Variants in ZNF268 observed in about 807,000 individuals in gnomAD.
ZNF268 encodes the protein zinc finger protein 268.
In ZNF268, 20 loss-of-function variants were observed where a neutral mutation model predicts 29.3. That is an observed-to-expected ratio of 0.68 (90% CI 0.48 to 0.99). The LOEUF (loss-of-function observed/expected upper bound fraction) is 0.99, where lower values mean the gene tolerates loss of function less well. Ranked by LOEUF, ZNF268 falls within the 50% of genes least tolerant of loss-of-function variation. The probability of loss-of-function intolerance (pLI) is 0.00; values close to 1 mark genes in which losing one functional copy is unlikely to be tolerated. For synonymous variants in ZNF268, 429 were observed against 376.9 expected (o/e 1.14, Z -1.60); for missense variants, 1,240 against 1,121.6 (o/e 1.11, Z -1.51).
At position 133,205,742 on chromosome 12, in the gene ZNF268, A is replaced by G. The variant is rs1418069397; in HGVS notation, c.*1212A>G. 2 of 152,198 alleles carry G rather than the reference A, an allele frequency of 1.3e-5. No homozygotes were observed. Among genetic ancestry groups the G allele is most frequent in the Non-Finnish European group, 2.9e-5 (2 of 68,036 alleles). 9.4% of individuals were successfully genotyped at this position (152,198 alleles called of 1,614,324 possible). On this transcript the variant is annotated 3_prime_UTR_variant, in exon 6 of 6. Coordinates refer to ENST00000536435, the MANE Select transcript of ZNF268 (RefSeq NM_003415.3). The stretch of plus-strand genomic sequence containing the variant: ...CATGTGTTTGTGTAGCCTGGAATCT[A>G]TTCTACCTTCACAGGTTAGAACATC...
At chr12:133,193,691 G>A (rs975759971) in intron 5 of ZNF268, among the ~76,000 whole-genome samples, 2 of 152,176 alleles carry the variant, frequency 1.3e-5, no homozygotes, top group African/African-American at 4.8e-5. Flanking sequence ...TTTTAGAGGG[G>A]ACACATTCAA....
chr12:133,191,419 AC>A, intron 3 of ZNF268, 69 bp from the exon 4 acceptor site: 3 of 1,577,492 alleles, frequency 1.9e-6, no homozygotes, highest in Non-Finnish European at 2.6e-6. Flanking sequence ...AATAATGGAC[AC>A]CCTAAACAGC....
At chr12:133,188,674 G>A (rs1189203734) in intron 3 of ZNF268, among the ~76,000 whole-genome samples, 1 of 149,986 alleles carries the variant, frequency 6.7e-6, no homozygotes, top group Non-Finnish European at 1.5e-5. Flanking sequence ...TATTGTTCGG[G>A]AAGCTTGTTA....
In ZNF268 at chr12:133,192,432, G is replaced by A. The variant is rs143484199; in HGVS notation, c.457+429G>A. Among the ~76,000 whole-genome samples the A allele has an allele frequency of 3.7e-3, 570 of 152,050 alleles. 5 individuals carry two copies. Among genetic ancestry groups the A allele is most frequent in the Middle Eastern group, 0.014 (4 of 290 alleles). On this transcript the variant is annotated intron_variant, in intron 5 of 5. Transcript: ENST00000536435. The stretch of plus-strand genomic sequence containing the variant: ...CTTACCATCCACTCTTAATCTTCTC[G>A]TTGGCACCCTTATTTCCCTCCTTAC...
rs1185980515 is a variant in ZNF268 at position 133,210,489 on chromosome 12, C to G, written c.*5959C>G. On this transcript the variant is annotated 3_prime_UTR_variant, in exon 6 of 6. Transcript: ENST00000536435. The stretch of plus-strand genomic sequence containing the variant: ...CCCCACTAGGGTCCCTAGGTCAGTC[C>G]TGAAGAGAAACAAGCTCCAGTCTTC... 4.0e-6 allele frequency: 1 copy of G among 249,392 alleles called. No individual in the cohort carries two copies. Among genetic ancestry groups the G allele is most frequent in the African/African-American group, 2.2e-5 (1 of 45,158 alleles). 15.4% of individuals were successfully genotyped at this position (249,392 alleles called of 1,614,324 possible). A position where few individuals can be genotyped will look rare whatever the true frequency, so the allele number is the denominator to read the frequency against.
Position 133,203,229 on chromosome 12 carries a change from C to T in ZNF268, c.1543C>T (p.Leu515Phe), listed in dbSNP as rs62644539. 2,445 of 1,537,886 alleles carry T rather than the reference C, an allele frequency of 1.6e-3. 2 individuals carry two copies. Among genetic ancestry groups the T allele is most frequent in the African/African-American group, 3.4e-3 (246 of 73,092 alleles). The change falls in exon 6 of 6, where the codon CTT (leucine) becomes TTT (phenylalanine). Residue 515 changes from leucine to phenylalanine, a missense_variant. Physicochemically the swap from Leu to Phe is conservative, Grantham distance 22 (BLOSUM62 0). Coordinates refer to ENST00000536435, the MANE Select transcript of ZNF268 (RefSeq NM_003415.3). The part of the protein sequence containing the change: ...CGKAFRSKSY[L>F]IIHTRTHTGE... The stretch of plus-strand genomic sequence containing the variant: ...CAAAGCCTTCAGGAGCAAGTCATAC[C>T]TTATTATACATACAAGGACTCATAC...
rs1419416244 is a variant in ZNF268, at chr12:133,191,981, A to G, written c.435A>G (p.Gln145=). ...QGEELCMVQA[Q]VPNQTCPNTV... is the part of the protein sequence containing the mutation. ...AAGAGCTGTGTATGGTGCAGGCCCA[A>G]GTTCCAAATCAGACCTGTCCAAGTG... The change falls in exon 5 of 6, where the codon CAA becomes CAG. Residue 145 remains glutamine, a synonymous_variant. Coordinates refer to ENST00000536435, the MANE Select transcript of ZNF268 (RefSeq NM_003415.3). 6 of 1,613,550 alleles carry G rather than the reference A, an allele frequency of 3.7e-6. No individual in the cohort carries two copies. The highest frequency in any genetic ancestry group is 2.2e-5 in the South Asian group (2 of 91,068).
Position 133,214,153 on chromosome 12 carries a change from T to C in ZNF268, c.*9623T>C, listed in dbSNP as rs1957024251. ...TGAAGAGACTTTTCTGTAAAGAAGATATGCAAATAGCATATGAAACGATAC... is the reference window on the plus strand; with the variant it reads ...TGAAGAGACTTTTCTGTAAAGAAGACATGCAAATAGCATATGAAACGATAC... On this transcript the variant is annotated 3_prime_UTR_variant, in exon 6 of 6. Transcript: ENST00000536435. 1 of 152,180 alleles carries C rather than the reference T, an allele frequency of 6.6e-6. No homozygotes were observed. The highest frequency in any genetic ancestry group is 2.4e-5 in the African/African-American group (1 of 41,434). The allele number at this position is 152,180 out of a possible 1,614,324, so 9.4% of individuals were successfully genotyped here.
In ZNF268 at chr12:133,188,032, T is replaced by A. The variant is rs550498978; in HGVS notation, c.194T>A (p.Leu65Gln). Residue 65 changes from leucine (L) to glutamine (Q), a missense_variant, in exon 3 of 6, where the codon CTG becomes CAG. Leu to Gln is a moderately radical substitution (Grantham distance 113). Around this residue, in one of 3 missense-constraint regions of ZNF268, gnomAD observed 12 missense variants for 30.6 expected, o/e 0.39. Coordinates refer to ENST00000536435, the MANE Select transcript of ZNF268 (RefSeq NM_003415.3). Reference protein sequence around the residue: ...SRRIEKVLEWLFISQEQPKIT... With the variant: ...SRRIEKVLEWQFISQEQPKIT... Reference sequence around the variant, plus strand: ...AGAATAGAGAAAGTCCTAGAGTGGCTGTTTATTTCCCAAGAGCAGCCAAAA... The same window carrying A: ...AGAATAGAGAAAGTCCTAGAGTGGCAGTTTATTTCCCAAGAGCAGCCAAAA... 6.3e-7 allele frequency: 1 copy of A among 1,595,382 alleles called. No individual in the cohort carries two copies. Among genetic ancestry groups the A allele is most frequent in the Non-Finnish European group, 8.5e-7 (1 of 1,170,684 alleles).
At position 133,204,763 on chromosome 12, in the gene ZNF268, TAGC is replaced by T. The variant is rs1468975455; in HGVS notation, c.*238_*240del. On this transcript the variant is annotated 3_prime_UTR_variant, in exon 6 of 6. Transcript: ENST00000536435. ...ATTTAGTAACCACTCTGAAAATTTT[TAGC>T]AGCAAGTCATACCTTTTTTTAAAAA... The T allele has an allele frequency of 4.8e-6, 2 of 417,164 alleles. No homozygotes were observed. The highest frequency in any genetic ancestry group is 5.9e-5 in the South Asian group (1 of 16,912). The allele number at this position is 417,164 out of a possible 1,614,324, so 25.8% of individuals were successfully genotyped here. A position where few individuals can be genotyped will look rare whatever the true frequency, so the allele number is the denominator to read the frequency against.
Position 133,211,309 on chromosome 12 carries a change from C to T in ZNF268, c.*6779C>T, listed in dbSNP as rs1479188976. ...AAGATATACAGATGGTGGCCAGGCA[C>T]GGTGGCTCACGCCTGTAATCCCAGC... On this transcript the variant is annotated 3_prime_UTR_variant, in exon 6 of 6. Coordinates refer to ENST00000536435, the MANE Select transcript of ZNF268 (RefSeq NM_003415.3). The T allele has an allele frequency of 2.9e-5, 10 of 340,544 alleles. No homozygotes were observed. The highest frequency in any genetic ancestry group is 1.6e-4 in the Admixed American group (4 of 24,412). 21.1% of individuals were successfully genotyped at this position (340,544 alleles called of 1,614,324 possible).
At chr12:133,185,211 G>T (rs948993595) in intron 2 of ZNF268, among the ~76,000 whole-genome samples, 2 of 150,738 alleles carry the variant, frequency 1.3e-5, no homozygotes, top group Non-Finnish European at 3.0e-5. Context: ...CAAAGAATGT[G>T]TGGTGGCTAC....
intron 2 of ZNF268, among the ~76,000 whole-genome samples, chr12:133,186,187 A>C (rs1419778238): frequency 6.6e-6 from 1 of 152,078 alleles, no homozygotes; most frequent in Non-Finnish European, 1.5e-5. Flanking sequence ...ACTTGAACCC[A>C]GATATTCTGG....
Position 133,184,137 on chromosome 12 carries a change from C to T in ZNF268, c.33+2107C>T, listed in dbSNP as rs576372461. ...TTCTTTTTTTTTTTGGAGACAGTCTCTCTCTGTCCCCAGGCTGGAGTGCGG... is the reference window on the plus strand; with the variant it reads ...TTCTTTTTTTTTTTGGAGACAGTCTTTCTCTGTCCCCAGGCTGGAGTGCGG... On this transcript the variant is annotated intron_variant, in intron 2 of 5. Transcript: ENST00000536435. Among the ~76,000 whole-genome samples, 276 of 151,906 alleles carry T rather than the reference C, an allele frequency of 1.8e-3. 2 individuals carry two copies. Among genetic ancestry groups the T allele is most frequent in the African/African-American group, 6.3e-3 (263 of 41,442 alleles).
chr12:133,203,156 TC>T lies in ZNF268; in HGVS notation c.1471del (p.Gln491ArgfsTer7). 6.5e-7 allele frequency: 1 copy of T among 1,537,604 alleles called. No homozygotes were observed. Among genetic ancestry groups the T allele is most frequent in the South Asian group, 1.2e-5 (1 of 84,056 alleles). ...FSLKSQLIVH[Q>X]RSHTGMKPYV... The stretch of plus-strand genomic sequence containing the variant: ...GTTTGAAATCACAGCTCATTGTACA[TC>T]AGAGAAGTCACACAGGAATGAAACC... On this transcript the variant is annotated frameshift_variant, in exon 6 of 6. Transcript: ENST00000536435. LOFTEE classifies it low-confidence loss of function (END_TRUNC).
At chr12:133,191,851 G>A in intron 4 of ZNF268, 57 bp from the exon 5 acceptor site, 1 of 1,584,290 alleles carries the variant, frequency 6.3e-7, no homozygotes, top group Non-Finnish European at 8.7e-7. Context: ...CCGTTCTTCA[G>A]AATCTCTGAA....
chr12:133,203,609 T>G lies in ZNF268; in HGVS notation c.1923T>G (p.Ser641Arg), dbSNP rs1956813781. The G allele has an allele frequency of 6.4e-7, 1 of 1,568,810 alleles. No homozygotes were observed. Among genetic ancestry groups the G allele is most frequent in the African/African-American group, 1.4e-5 (1 of 73,546 alleles). Residue 641 changes from serine (S) to arginine (R), a missense_variant, in exon 6 of 6, where the codon AGT becomes AGG. Ser to Arg is a moderately radical substitution (Grantham distance 110). Transcript: ENST00000536435. Reference sequence around the variant, plus strand: ...CTCATACAGGAGAGAAACCCTATAGTTGTAATGAATGTGGAAAAGCCTTTA... The same window carrying G: ...CTCATACAGGAGAGAAACCCTATAGGTGTAATGAATGTGGAAAAGCCTTTA... ...QRTHTGEKPYSCNECGKAFTF... is the reference protein window; with the variant it reads ...QRTHTGEKPYRCNECGKAFTF...
rs1223672116 is a variant in ZNF268, at chr12:133,205,144, T to TAAAAAAA, written c.*637_*643dup. ...TAACCTCACCTTAGAAGCTTCATTC[T>TAAAAAAA]AAAAAAAAAAAAAAAAAAAAAAAAA... On this transcript the variant is annotated 3_prime_UTR_variant, in exon 6 of 6. Coordinates refer to ENST00000536435, the MANE Select transcript of ZNF268 (RefSeq NM_003415.3). The TAAAAAAA allele has an allele frequency of 9.0e-4, 38 of 42,304 alleles. 1 individual carries two copies. The highest frequency in any genetic ancestry group is 1.4e-3 in the Non-Finnish European group (30 of 22,218). The allele number at this position is 42,304 out of a possible 1,614,324, so 2.6% of individuals were successfully genotyped here. A position where few individuals can be genotyped will look rare whatever the true frequency, so the allele number is the denominator to read the frequency against.
chr12:133,190,000 A>G (rs1332606493), intron 3 of ZNF268, among the ~76,000 whole-genome samples: 14 of 70,008 alleles, frequency 2.0e-4, no homozygotes, highest in Admixed American at 7.5e-4. Context: ...AGTAGAGACG[A>G]AGTTTCACCA....
Sources: gnomAD v4.1 joint callset for allele counts (sites outside exome capture counted in the v4.1 genomes callset) on GRCh38, gnomAD v4.1.1 for gene constraint, gnomAD v4.1.1 regional missense constraint, MANE v1.5 for transcripts, NCBI Gene and HGNC (gene_info 2026-07-23, HGNC 2026-07-21) for gene names.